LUZP2: variants seen among roughly 807,000 people sequenced by gnomAD.
The protein encoded by LUZP2 is leucine zipper protein 2.
LUZP2 carries 52 observed loss-of-function variants against 51.6 expected under a neutral mutation model. That is an observed-to-expected ratio of 1.01 (90% CI 0.81 to 1.27). The LOEUF (loss-of-function observed/expected upper bound fraction) is 1.27, where lower values mean the gene tolerates loss of function less well. LUZP2 is among the 50% of genes most tolerant of loss of function. LUZP2 has a pLI of 0.00. For synonymous variants in LUZP2, 154 were observed against 137.3 expected (o/e 1.12, Z -0.85); for missense variants, 436 against 395.4 (o/e 1.10, Z -0.87).
chr11:25,067,776 T>A (rs1192312266), intron 10 of LUZP2, among the ~76,000 whole-genome samples: 1 of 151,932 alleles, frequency 6.6e-6, no homozygotes, highest in Non-Finnish European at 1.5e-5. Context: ...TCCTCAAGGA[T>A]TTGAACTAGA....
At chr11:24,571,966 T>C (rs80208510) in intron 1 of LUZP2, among the ~76,000 whole-genome samples, 3,065 of 152,130 alleles carry the variant, frequency 0.02, 103 homozygotes, top group African/African-American at 0.07. Flanking sequence ...TTGTGCAAGA[T>C]TGTCTTATAA....
At chr11:24,769,695 T>G (rs796677491) in intron 5 of LUZP2, among the ~76,000 whole-genome samples, 4 of 87,418 alleles carry the variant, frequency 4.6e-5, no homozygotes, top group African/African-American at 1.1e-4. Flanking sequence ...GGTGGTCTAT[T>G]TTTTTTTTTT....
intron 5 of LUZP2, among the ~76,000 whole-genome samples, chr11:24,852,571 G>T (rs186183321): frequency 6.6e-6 from 1 of 152,038 alleles, no homozygotes; most frequent in Non-Finnish European, 1.5e-5. Flanking sequence ...TGAGAAGAAT[G>T]TATATTCTGT....
At chr11:24,743,673 C>T (rs112319079) in intron 4 of LUZP2, among the ~76,000 whole-genome samples, 9,379 of 151,980 alleles carry the variant, frequency 0.062, 988 homozygotes, top group African/African-American at 0.21. Flanking sequence ...AATTTGGATG[C>T]CATTTATTTC....
At chr11:24,845,945 G>T (rs867893850) in intron 5 of LUZP2, among the ~76,000 whole-genome samples, 1 of 151,934 alleles carries the variant, frequency 6.6e-6, no homozygotes, top group African/African-American at 2.4e-5. Flanking sequence ...TAACAAAATA[G>T]AACTAGATAG....
chr11:24,875,022 A>T (rs941563649), intron 5 of LUZP2, among the ~76,000 whole-genome samples: 8 of 152,162 alleles, frequency 5.3e-5, no homozygotes, highest in Non-Finnish European at 1.0e-4. Flanking sequence ...AGTTCTGGCT[A>T]CTGGTATATA....
chr11:24,636,223 A>G (rs778235798), intron 1 of LUZP2, among the ~76,000 whole-genome samples: 33 of 152,230 alleles, frequency 2.2e-4, no homozygotes, highest in Non-Finnish European at 3.4e-4. Context: ...ATCATCCCCA[A>G]TTGGAGACAG....
intron 7 of LUZP2, among the ~76,000 whole-genome samples, chr11:24,961,560 G>A (rs1386521143): frequency 2.6e-5 from 4 of 151,918 alleles, no homozygotes; most frequent in Admixed American, 6.6e-5. Context: ...TCAGAGACTA[G>A]GATTGCAACC....
intron 5 of LUZP2, among the ~76,000 whole-genome samples, chr11:24,881,314 C>CT (rs1852459516): frequency 7.5e-6 from 1 of 132,928 alleles, no homozygotes; most frequent in African/African-American, 3.2e-5. Context: ...TGAGTAATTG[C>CT]CAAAAAAAAA....
chr11:25,032,441 T>C (rs1857716935), intron 9 of LUZP2, among the ~76,000 whole-genome samples: 1 of 152,210 alleles, frequency 6.6e-6, no homozygotes, highest in Non-Finnish European at 1.5e-5. Flanking sequence ...TACACCCTTA[T>C]TTCTTCATAT....
At chr11:24,923,770 C>A (rs1305051521) in intron 7 of LUZP2, among the ~76,000 whole-genome samples, 1 of 152,006 alleles carries the variant, frequency 6.6e-6, no homozygotes, top group Non-Finnish European at 1.5e-5. Flanking sequence ...AGGTCTTTAT[C>A]CTAAAATGGT....
intron 5 of LUZP2, among the ~76,000 whole-genome samples, chr11:24,876,225 T>A (rs1176609782): frequency 6.8e-6 from 1 of 147,658 alleles, no homozygotes; most frequent in Admixed American, 6.8e-5. Context: ...GTTTTTATGG[T>A]TTTAGGTCTA....
chr11:24,574,207 C>T lies in LUZP2; in HGVS notation c.62+76902C>T, dbSNP rs1333422222. Among the ~76,000 whole-genome samples the T allele has an allele frequency of 7.9e-4, 7 of 8,878 alleles. No homozygotes were observed. The South Asian group carries it at 0.024, about 31-fold the overall frequency. 5.8% of individuals were successfully genotyped at this position (8,878 alleles called of 152,430 possible). On this transcript the variant is annotated intron_variant, in intron 1 of 11. Coordinates refer to ENST00000336930, the MANE Select transcript of LUZP2 (RefSeq NM_001009909.4). ...TTTTCTTTCTTTCTTTCTCTTTCTT[C>T]CTTCCTTTCTTTCTTTCTTTCTTTC...
At chr11:25,012,638 A>G (rs1228195233) in intron 9 of LUZP2, among the ~76,000 whole-genome samples, 2 of 152,288 alleles carry the variant, frequency 1.3e-5, no homozygotes, top group East Asian at 3.9e-4. Context: ...ATTATTAATG[A>G]TCAGAGAACT....
At chr11:24,936,986 GA>G (rs1411230219) in intron 7 of LUZP2, among the ~76,000 whole-genome samples, 1 of 151,946 alleles carries the variant, frequency 6.6e-6, no homozygotes, top group Non-Finnish European at 1.5e-5. Context: ...TATCATATGT[GA>G]AAACTGCTTT....
At chr11:25,064,390 T>C (rs2134045108) in intron 10 of LUZP2, among the ~76,000 whole-genome samples, 1 of 152,176 alleles carries the variant, frequency 6.6e-6, no homozygotes, top group African/African-American at 2.4e-5. Context: ...TTAATTTCAT[T>C]ATCTCTTTCT....
At chr11:24,679,013 T>A (rs1421492481) in intron 1 of LUZP2, among the ~76,000 whole-genome samples, 1 of 152,228 alleles carries the variant, frequency 6.6e-6, no homozygotes, top group African/African-American at 2.4e-5. Flanking sequence ...TATTTTTCAT[T>A]TCTAACTTCT....
intron 4 of LUZP2, among the ~76,000 whole-genome samples, chr11:24,753,388 G>C (rs1047935809): frequency 1.3e-5 from 2 of 152,114 alleles, no homozygotes; most frequent in Non-Finnish European, 2.9e-5. Context: ...GGTTTTTATG[G>C]AAGCTTCATT....
rs545647285 is a variant in LUZP2, at chr11:25,003,955, C to T, written c.765+20662C>T. Among the ~76,000 whole-genome samples, 8 of 152,290 alleles carry T rather than the reference C, an allele frequency of 5.3e-5. No individual in the cohort carries two copies. The East Asian group carries it at 1.2e-3, about 22-fold the overall frequency. On this transcript the variant is annotated intron_variant, in intron 9 of 11. Transcript: ENST00000336930. ...AGGAGGTGGGAGAAATACCTGTTTA[C>T]AGGCTGTCCCAGGATTCCTCGGATG...
Sources: gnomAD v4.1 joint callset for allele counts (sites outside exome capture counted in the v4.1 genomes callset) on GRCh38, gnomAD v4.1.1 for gene constraint, MANE v1.5 for transcripts, NCBI Gene and HGNC (gene_info 2026-07-23, HGNC 2026-07-21) for gene names.